Variants in GPC6 observed in about 807,000 individuals in gnomAD.
GPC6 encodes glypican 6.
GPC6 carries 14 observed loss-of-function variants against 55.2 expected under a neutral mutation model. The ratio of observed to expected loss-of-function variants is 0.25; its 90% CI spans 0.17 to 0.40. The LOEUF is 0.40. Ranked by LOEUF, GPC6 falls within the 10% of genes least tolerant of loss-of-function variation. GPC6 has a pLI of 1.00. For missense variants in GPC6, 641 were observed against 708.5 expected, an observed-to-expected ratio of 0.90 and a Z score of 1.08; for synonymous variants, 278 against 259.6, an observed-to-expected ratio of 1.07 and a Z score of -0.68.
chr13:93,825,432 G>A (rs1029591933), intron 2 of GPC6, among the ~76,000 whole-genome samples: 6 of 152,172 alleles, frequency 3.9e-5, no homozygotes, highest in African/African-American at 7.2e-5. Flanking sequence ...AAAGGACACC[G>A]CCTCATGTGG....
intron 3 of GPC6, among the ~76,000 whole-genome samples, chr13:93,984,686 G>C (rs911290456): frequency 6.6e-6 from 1 of 152,176 alleles, no homozygotes; most frequent in Admixed American, 6.5e-5. Context: ...GAATTTCACT[G>C]AAGCTAGTTG....
intron 2 of GPC6, among the ~76,000 whole-genome samples, chr13:93,816,932 C>T (rs977930329): frequency 6.6e-6 from 1 of 152,108 alleles, no homozygotes; most frequent in African/African-American, 2.4e-5. Flanking sequence ...TCTGGTGAAG[C>T]TTATGTTTCA....
At position 94,304,753 on chromosome 13, in the gene GPC6, G is replaced by T. The variant is rs530412256; in HGVS notation, c.1009-1227G>T. ...CCCTGAGTGAAATCACTGTGGAAAAGAACTGGCAGCTCAGTCTCTAAGATC... is the reference window on the plus strand; with the variant it reads ...CCCTGAGTGAAATCACTGTGGAAAATAACTGGCAGCTCAGTCTCTAAGATC... On this transcript the variant is annotated intron_variant, in intron 5 of 8. Coordinates refer to ENST00000377047, the MANE Select transcript of GPC6 (RefSeq NM_005708.5). Among the ~76,000 whole-genome samples the T allele has an allele frequency of 2.0e-5, 3 of 152,324 alleles. No homozygotes were observed. In the South Asian group the frequency reaches 6.2e-4, roughly 32 times the overall value.
At chr13:93,265,121 C>CTGCAAA (rs1157317454) in intron 1 of GPC6, among the ~76,000 whole-genome samples, 1 of 152,098 alleles carries the variant, frequency 6.6e-6, no homozygotes, top group Admixed American at 6.5e-5. Flanking sequence ...ATTTCAAAAC[C>CTGCAAA]ATTGATGCTA....
In GPC6 at chr13:93,928,208, C is replaced by T. The variant is rs191879824; in HGVS notation, c.711+97663C>T. Among the ~76,000 whole-genome samples the T allele has an allele frequency of 1.4e-4, 21 of 152,124 alleles. 1 individual carries two copies. Among genetic ancestry groups the T allele is most frequent in the African/African-American group, 5.1e-4 (21 of 41,500 alleles). ...TATAGGTGGAGAAACATCTAGGTGA[C>T]CACAACTGTATATCCTGAATAATTA... On this transcript the variant is annotated intron_variant, in intron 3 of 8. Transcript: ENST00000377047.
intron 1 of GPC6, among the ~76,000 whole-genome samples, chr13:93,361,014 A>G (rs1222677068): frequency 1.3e-5 from 2 of 151,788 alleles, no homozygotes; most frequent in East Asian, 3.9e-4. Context: ...TTTGTTTTTC[A>G]AATCTGCAAA....
chr13:94,286,313 A>T, intron 4 of GPC6, 36 bp from the exon 5 acceptor site: 1 of 1,612,536 alleles, frequency 6.2e-7, no homozygotes, highest in Non-Finnish European at 8.5e-7. Context: ...TGGAGCTCCC[A>T]GTTTGCAAAT....
At chr13:94,132,518 T>C (rs983394992) in intron 4 of GPC6, among the ~76,000 whole-genome samples, 16 of 152,156 alleles carry the variant, frequency 1.1e-4, no homozygotes, top group African/African-American at 3.4e-4. Context: ...GTTTTCTGTA[T>C]TCCTAAAGGG....
chr13:93,996,145 T>C (rs1049608993), intron 3 of GPC6, among the ~76,000 whole-genome samples: 2 of 152,216 alleles, frequency 1.3e-5, no homozygotes, highest in Admixed American at 1.3e-4. Flanking sequence ...CCTTTGAAGA[T>C]GTAGTACACA....
At chr13:93,999,878 T>G (rs1452234608) in intron 3 of GPC6, among the ~76,000 whole-genome samples, 2 of 152,214 alleles carry the variant, frequency 1.3e-5, no homozygotes, top group Non-Finnish European at 2.9e-5. Flanking sequence ...CATTTATACA[T>G]TATTGGCATA....
At chr13:93,264,062 T>C (rs1877243043) in intron 1 of GPC6, among the ~76,000 whole-genome samples, 1 of 152,108 alleles carries the variant, frequency 6.6e-6, no homozygotes. Flanking sequence ...GCTAGCTCAT[T>C]GCTCTTCTGC....
chr13:94,249,792 A>G (rs1000652413), intron 4 of GPC6, among the ~76,000 whole-genome samples: 1 of 152,142 alleles, frequency 6.6e-6, no homozygotes, highest in Non-Finnish European at 1.5e-5. Flanking sequence ...AGCGTTTGAC[A>G]AGCTTGATGG....
intron 6 of GPC6, among the ~76,000 whole-genome samples, chr13:94,380,493 C>A (rs1332777130): frequency 1.3e-5 from 2 of 152,140 alleles, no homozygotes; most frequent in Non-Finnish European, 2.9e-5. Flanking sequence ...ATTTTATACT[C>A]TTCATCTAGC....
intron 2 of GPC6, among the ~76,000 whole-genome samples, chr13:93,747,028 T>C (rs1884421355): frequency 6.6e-6 from 1 of 152,152 alleles, no homozygotes; most frequent in African/African-American, 2.4e-5. Flanking sequence ...AGTAATAAAG[T>C]CTTATTACTT....
At chr13:93,474,506 T>C (rs1330416311) in intron 1 of GPC6, among the ~76,000 whole-genome samples, 1 of 152,120 alleles carries the variant, frequency 6.6e-6, no homozygotes, top group Non-Finnish European at 1.5e-5. Flanking sequence ...ACCATGACCT[T>C]CTGTAACTGT....
intron 6 of GPC6, among the ~76,000 whole-genome samples, chr13:94,311,471 G>C (rs1175937313): frequency 6.6e-6 from 1 of 152,116 alleles, no homozygotes; most frequent in Non-Finnish European, 1.5e-5. Flanking sequence ...GTCCAGCCCT[G>C]ATAACACTTC....
intron 1 of GPC6, among the ~76,000 whole-genome samples, chr13:93,350,510 T>C (rs557763064): frequency 6.6e-6 from 1 of 152,170 alleles, no homozygotes; most frequent in Non-Finnish European, 1.5e-5. Flanking sequence ...GAGTCTGAAA[T>C]ACACCCTTTA....
chr13:93,755,018 A>G (rs1884722566), intron 2 of GPC6, among the ~76,000 whole-genome samples: 1 of 152,242 alleles, frequency 6.6e-6, no homozygotes, highest in Non-Finnish European at 1.5e-5. Context: ...GTAGACAGGT[A>G]CTTTTACAAT....
intron 2 of GPC6, among the ~76,000 whole-genome samples, chr13:93,751,815 A>C (rs924790431): frequency 6.6e-6 from 1 of 152,040 alleles, no homozygotes; most frequent in Non-Finnish European, 1.5e-5. Flanking sequence ...GGGGAGCTCC[A>C]CTATGCTTTT....
Sources: allele counts gnomAD v4.1 joint callset (sites outside exome capture counted in the v4.1 genomes callset), GRCh38; gene constraint gnomAD v4.1.1; transcripts MANE v1.5; gene names NCBI Gene and HGNC (gene_info 2026-07-23, HGNC 2026-07-21).